EFNA5: variants seen among roughly 807,000 people sequenced by gnomAD.
EFNA5 encodes the protein ephrin A5, also known as ephrin-A5.
In EFNA5, 5 loss-of-function variants were observed where a neutral mutation model predicts 22.9. The observed-to-expected ratio is 0.22, with a 90% CI of 0.11 to 0.46. The LOEUF is 0.46. EFNA5 is among the 20% of genes least tolerant of loss of function. The probability of loss-of-function intolerance (pLI) is 0.99; values close to 1 mark genes in which losing one functional copy is unlikely to be tolerated. For synonymous variants in EFNA5, 113 were observed against 112.2 expected, an observed-to-expected ratio of 1.01 and a Z score of -0.04; for missense variants, 237 against 293.3, an observed-to-expected ratio of 0.81 and a Z score of 1.40.
At position 107,482,858 on chromosome 5, in the gene EFNA5, CTCTCTCTCTCTCTA is replaced by C. The variant is rs1310162679; in HGVS notation, c.126-55363_126-55350del. On this transcript the variant is annotated intron_variant, in intron 1 of 4. Transcript: ENST00000333274. ...TCTCTCTCTCTCTCTCTCTCTCTCT[CTCTCTCTCTCTCTA>C]TATATATATATATATATATATACAT... 4.0e-3 allele frequency among the ~76,000 whole-genome samples: 363 copies of C among 91,520 alleles called. 3 individuals carry two copies. The highest frequency in any genetic ancestry group is 0.014 in the African/African-American group (318 of 23,146). The allele number at this position is 91,520 out of a possible 152,430, so 60.0% of individuals were successfully genotyped here.
chr5:107,542,207 T>C (rs1256840071), intron 1 of EFNA5, among the ~76,000 whole-genome samples: 1 of 152,132 alleles, frequency 6.6e-6, no homozygotes, highest in Non-Finnish European at 1.5e-5. Flanking sequence ...CTCAGGATCA[T>C]AATATTGTTT....
intron 1 of EFNA5, among the ~76,000 whole-genome samples, chr5:107,637,898 G>A (rs554438875): frequency 2.0e-4 from 30 of 151,652 alleles, no homozygotes; most frequent in African/African-American, 6.8e-4. Flanking sequence ...CCAGGCTGGA[G>A]TGCAGTGGCA....
At chr5:107,614,051 T>TCAC (rs1749869396) in intron 1 of EFNA5, among the ~76,000 whole-genome samples, 1 of 152,164 alleles carries the variant, frequency 6.6e-6, no homozygotes, top group African/African-American at 2.4e-5. Flanking sequence ...CTGTTCCTAC[T>TCAC]CACCATCTAA....
chr5:107,531,925 T>C (rs1034116721), intron 1 of EFNA5, among the ~76,000 whole-genome samples: 2 of 152,158 alleles, frequency 1.3e-5, no homozygotes, highest in East Asian at 3.8e-4. Flanking sequence ...AATTATCAAC[T>C]GCAATGGTAA....
intron 1 of EFNA5, among the ~76,000 whole-genome samples, chr5:107,459,814 T>A (rs569241784): frequency 6.6e-6 from 1 of 152,162 alleles, no homozygotes; most frequent in East Asian, 1.9e-4. Flanking sequence ...GAATCTCATA[T>A]GAGGAAACAT....
chr5:107,383,367 G>A (rs1747521411), intron 4 of EFNA5, among the ~76,000 whole-genome samples: 1 of 152,138 alleles, frequency 6.6e-6, no homozygotes, highest in Non-Finnish European at 1.5e-5. Context: ...TCTATTCTCT[G>A]CTCTTTTTCA....
In EFNA5 at chr5:107,659,258, T is replaced by A. The variant is rs542794089; in HGVS notation, c.125+11231A>T. 3.1e-3 allele frequency among the ~76,000 whole-genome samples: 469 copies of A among 152,244 alleles called. 4 individuals carry two copies. The highest frequency in any genetic ancestry group is 5.4e-3 in the Non-Finnish European group (368 of 68,010). On this transcript the variant is annotated intron_variant, in intron 1 of 4. Transcript: ENST00000333274. ...AGTCAACATGTAATTGCTGAATTCA[T>A]CTATTTGGCTTTGGTTTTAGATACA...
In EFNA5 at chr5:107,448,743, T is replaced by C. The variant is rs571166584; in HGVS notation, c.126-21234A>G. On this transcript the variant is annotated intron_variant, in intron 1 of 4. Coordinates refer to ENST00000333274, the MANE Select transcript of EFNA5 (RefSeq NM_001962.3). ...TACTTGAGAGGCTGAGGCAGGAGAA[T>C]TGCTTGAACCCGGGAGATGGAGGTT... 1.1e-3 allele frequency among the ~76,000 whole-genome samples: 170 copies of C among 151,678 alleles called. 1 individual carries two copies. Among genetic ancestry groups the C allele is most frequent in the African/African-American group, 3.2e-3 (134 of 41,322 alleles).
At chr5:107,556,339 C>A (rs377219787) in intron 1 of EFNA5, among the ~76,000 whole-genome samples, 15 of 152,198 alleles carry the variant, frequency 9.9e-5, no homozygotes, top group African/African-American at 2.9e-4. Flanking sequence ...GAGTTTACAA[C>A]CACCACCAAA....
intron 1 of EFNA5, among the ~76,000 whole-genome samples, chr5:107,496,182 A>C (rs1374456038): frequency 2.0e-5 from 3 of 148,870 alleles, no homozygotes; most frequent in African/African-American, 4.9e-5. Flanking sequence ...AAAAAAAAAA[A>C]AAAAATACAT....
intron 1 of EFNA5, among the ~76,000 whole-genome samples, chr5:107,569,078 A>T (rs986911559): frequency 3.9e-5 from 6 of 152,250 alleles, no homozygotes; most frequent in African/African-American, 1.4e-4. Context: ...CGCATAGTTA[A>T]ATCTATACTT....
chr5:107,550,841 T>C (rs1748278485), intron 1 of EFNA5, among the ~76,000 whole-genome samples: 2 of 152,136 alleles, frequency 1.3e-5, no homozygotes, highest in South Asian at 4.2e-4. Flanking sequence ...TAGACTACAG[T>C]AGTATTCTAG....
chr5:107,570,896 A>C (rs1430864159), intron 1 of EFNA5, among the ~76,000 whole-genome samples: 1 of 152,232 alleles, frequency 6.6e-6, no homozygotes, highest in African/African-American at 2.4e-5. Context: ...CTGCCATTAA[A>C]TAATGGGCTT....
chr5:107,494,323 C>T (rs926876431), intron 1 of EFNA5, among the ~76,000 whole-genome samples: 5 of 152,254 alleles, frequency 3.3e-5, no homozygotes, highest in Non-Finnish European at 7.4e-5. Context: ...GTGGGCTTGG[C>T]GGGCCCTGCA....
rs114778394 is a variant in EFNA5 at position 107,475,468 on chromosome 5, A to G, written c.126-47959T>C. Among the ~76,000 whole-genome samples, 297 of 152,338 alleles carry G rather than the reference A, an allele frequency of 1.9e-3. 1 individual carries two copies. Among genetic ancestry groups the G allele is most frequent in the African/African-American group, 6.9e-3 (287 of 41,580 alleles). ...GGTGGTTTATATGAACTTTTCAAGA[A>G]ACTCAAGAGAAACAAAATGCCACCA... On this transcript the variant is annotated intron_variant, in intron 1 of 4. Transcript: ENST00000333274.
chr5:107,493,500 A>G (rs2112416396), intron 1 of EFNA5, among the ~76,000 whole-genome samples: 1 of 152,362 alleles, frequency 6.6e-6, no homozygotes. Context: ...TTGCCTAAAT[A>G]CCATGGCTCC....
chr5:107,432,989 C>A (rs556361252), intron 1 of EFNA5, among the ~76,000 whole-genome samples: 1 of 152,272 alleles, frequency 6.6e-6, no homozygotes, highest in African/African-American at 2.4e-5. Context: ...TTATTAATAA[C>A]ATTTTCTTTT....
intron 1 of EFNA5, among the ~76,000 whole-genome samples, chr5:107,661,794 T>C (rs897387926): frequency 1.3e-5 from 2 of 152,226 alleles, no homozygotes; most frequent in Non-Finnish European, 2.9e-5. Context: ...CCCACTGACA[T>C]CTACAAAATA....
chr5:107,396,971 C>T (rs1747943317), intron 2 of EFNA5, among the ~76,000 whole-genome samples: 1 of 152,124 alleles, frequency 6.6e-6, no homozygotes, highest in Non-Finnish European at 1.5e-5. Context: ...CCAGACATGA[C>T]AGTGATGACA....
Sources: gnomAD v4.1 joint callset for allele counts (sites outside exome capture counted in the v4.1 genomes callset) on GRCh38, gnomAD v4.1.1 for gene constraint, MANE v1.5 for transcripts, NCBI Gene and HGNC (gene_info 2026-07-23, HGNC 2026-07-21) for gene names.